Variants in ZNF248 observed in about 807,000 individuals in gnomAD.
The protein encoded by ZNF248 is zinc finger protein 248, also known as KRAB protein domain.
Under a neutral mutation model 44.3 loss-of-function variants are expected in ZNF248, and 20 were observed. The observed-to-expected ratio is 0.45, with a 90% CI of 0.32 to 0.66. ZNF248 has a LOEUF of 0.66. ZNF248 is among the 30% of genes least tolerant of loss of function. The pLI is 0.04. For synonymous variants in ZNF248, 224 were observed against 229.0 expected (o/e 0.98, Z 0.20); for missense variants, 654 against 677.0 (o/e 0.97, Z 0.38).
intron 6 of ZNF248, chr10:37,795,781 C>T (rs2049083804): frequency 6.6e-6 from 1 of 152,108 alleles, no homozygotes; most frequent in Non-Finnish European, 1.5e-5. Flanking sequence ...AAATTTTTAT[C>T]ATATGAATCA....
At chr10:37,763,788 A>G in the ZNF248 span, among the ~76,000 whole-genome samples, 1 of 152,238 alleles carries the variant, frequency 6.6e-6, no homozygotes, top group African/African-American at 2.4e-5. Context: ...ATACTTTTAT[A>G]ATTTCTTACA....
chr10:37,852,957 G>A (rs1290093468), intron 3 of ZNF248, among the ~76,000 whole-genome samples: 2 of 152,000 alleles, frequency 1.3e-5, no homozygotes, highest in African/African-American at 4.8e-5. Context: ...TGCCTCCTGG[G>A]TTCAAGCGAT....
At chr10:37,796,220 T>C (rs887692366) in intron 6 of ZNF248, 4 of 150,328 alleles carry the variant, frequency 2.7e-5, no homozygotes, top group Non-Finnish European at 3.0e-5. Flanking sequence ...ATCTTTATAA[T>C]ACTTTTTTTT....
At chr10:37,793,408 T>C (rs2048790608) in intron 6 of ZNF248, among the ~76,000 whole-genome samples, 1 of 152,068 alleles carries the variant, frequency 6.6e-6, no homozygotes, top group South Asian at 2.1e-4. Flanking sequence ...CAAATAACAA[T>C]AAACACAGAT....
the ZNF248 span, among the ~76,000 whole-genome samples, chr10:37,769,600 T>A: frequency 6.6e-6 from 1 of 152,154 alleles, no homozygotes; most frequent in African/African-American, 2.4e-5. Context: ...TCTCAATAAA[T>A]TAAGTATTGA....
chr10:37,763,131 G>A, the ZNF248 span, among the ~76,000 whole-genome samples: 1 of 152,124 alleles, frequency 6.6e-6, no homozygotes, highest in East Asian at 1.9e-4. Flanking sequence ...AAAGACAAGA[G>A]ACAAAAGAAG....
At chr10:37,769,902 G>A in the ZNF248 span, among the ~76,000 whole-genome samples, 2 of 152,284 alleles carry the variant, frequency 1.3e-5, no homozygotes, top group Non-Finnish European at 2.9e-5. Flanking sequence ...ATCTCCTTAA[G>A]CTGATAAGCA....
Position 37,832,773 on chromosome 10 carries a change from T to C in ZNF248, c.582A>G (p.Gln194=). The C allele has an allele frequency of 6.2e-7, 1 of 1,613,724 alleles. No homozygotes were observed. Among genetic ancestry groups the C allele is most frequent in the South Asian group, 1.1e-5 (1 of 91,066 alleles). ...GGTGATAATTAATGGCATTCCTTTT[T>C]TGATCATATTTATAAGACTTCTCTC... ...PIGEKSYKYD[Q]KRNAINYHQD... is the part of the protein sequence containing the mutation. The change falls in exon 6 of 6, where the codon CAA becomes CAG. Residue 194 remains glutamine, a synonymous_variant. Coordinates refer to ENST00000395867, the MANE Select transcript of ZNF248 (RefSeq NM_021045.3).
intron 3 of ZNF248, among the ~76,000 whole-genome samples, chr10:37,850,518 G>A (rs2060043544): frequency 1.3e-5 from 2 of 152,170 alleles, no homozygotes. Context: ...AAAGTAAAAG[G>A]AATCACTGTG....
Position 37,802,665 on chromosome 10 carries a change from C to T in ZNF248, c.331-26090G>A, listed in dbSNP as rs117387333. 6.7e-3 allele frequency among the ~76,000 whole-genome samples: 1,014 copies of T among 152,268 alleles called. 15 individuals are homozygous for T. The highest frequency in any genetic ancestry group is 0.059 in the South Asian group (287 of 4,826). On this transcript the variant is annotated intron_variant, in intron 6 of 6. Transcript: ENST00000615949. The stretch of plus-strand genomic sequence containing the variant: ...TTTCTCAGCCTTCCTAATGATAGTA[C>T]TTGTCCCTTCAGTTCGAAAATCCTC...
chr10:37,852,294 T>A (rs1157993758), intron 3 of ZNF248, among the ~76,000 whole-genome samples: 1 of 151,580 alleles, frequency 6.6e-6, no homozygotes, highest in Non-Finnish European at 1.5e-5. Context: ...CACTACTTAA[T>A]AACAAAAAGG....
At chr10:37,820,918 C>T in intron 6 of ZNF248, 1 of 1,565,964 alleles carries the variant, frequency 6.4e-7, no homozygotes, top group Admixed American at 1.7e-5. Flanking sequence ...AATACCTACT[C>T]TAGTAAACCT....
chr10:37,819,981 C>A, intron 6 of ZNF248: 1 of 771,714 alleles, frequency 1.3e-6, no homozygotes, highest in South Asian at 1.4e-5. Context: ...AGCGGTCTTG[C>A]ATGCTCTTAT....
At chr10:37,802,616 GA>G (rs1290304209) in intron 6 of ZNF248, among the ~76,000 whole-genome samples, 1 of 151,996 alleles carries the variant, frequency 6.6e-6, no homozygotes, top group Non-Finnish European at 1.5e-5. Flanking sequence ...TAAAACACTG[GA>G]AAAAAATGCC....
chr10:37,831,278 T>C lies in ZNF248; in HGVS notation c.*337A>G, dbSNP rs1158475094. 3 of 1,549,592 alleles carry C rather than the reference T, an allele frequency of 1.9e-6. No homozygotes were observed. The African/African-American group carries it at 4.1e-5, about 21-fold the overall frequency. Reference sequence around the variant, plus strand: ...GACTCTTCACATATATGTTTAATGCTGCTGTCATTCAACTTTTATAAGCTT... The same window carrying C: ...GACTCTTCACATATATGTTTAATGCCGCTGTCATTCAACTTTTATAAGCTT... On this transcript the variant is annotated 3_prime_UTR_variant, in exon 6 of 6. Transcript: ENST00000395867.
At chr10:37,833,767 A>G (rs1292297643) in intron 5 of ZNF248, among the ~76,000 whole-genome samples, 3 of 152,162 alleles carry the variant, frequency 2.0e-5, no homozygotes, top group African/African-American at 7.2e-5. Flanking sequence ...TAGGAAAAGC[A>G]TACTAGGGAA....
downstream of ZNF248, chr10:37,828,673 A>G (rs531345267): frequency 3.0e-6 from 3 of 985,186 alleles, no homozygotes; most frequent in Non-Finnish European, 3.6e-6. Flanking sequence ...AGTTGCATTG[A>G]GCAGTCAAAA....
In ZNF248 at chr10:37,780,109, C is replaced by G. The variant is rs1272577082; in HGVS notation, c.331-3534G>C. Among the ~76,000 whole-genome samples the G allele has an allele frequency of 5.3e-5, 8 of 150,066 alleles. No homozygotes were observed. The East Asian group carries it at 9.7e-4, about 18-fold the overall frequency. The stretch of plus-strand genomic sequence containing the variant: ...TACTGCCCAAGGTAATTTACAGATT[C>G]AATGCCATCCCCATCAAGCTAACAA... On this transcript the variant is annotated intron_variant, in intron 6 of 6. Transcript: ENST00000615949.
At position 37,830,155 on chromosome 10, in the gene ZNF248, C is replaced by T; in HGVS notation, c.*1460G>A. Reference sequence around the variant, plus strand: ...AGGATATCAAAAGGGCCTTTCATTACATACCGCCACTTTTTGAGGAGTGCA... The same window carrying T: ...AGGATATCAAAAGGGCCTTTCATTATATACCGCCACTTTTTGAGGAGTGCA... On this transcript the variant is annotated 3_prime_UTR_variant, in exon 6 of 6. Transcript: ENST00000395867. The T allele has an allele frequency of 9.1e-6, 9 of 985,414 alleles. No homozygotes were observed. Among genetic ancestry groups the T allele is most frequent in the African/African-American group, 1.7e-5 (1 of 57,364 alleles). The allele number at this position is 985,414 out of a possible 1,614,324, so 61.0% of individuals were successfully genotyped here. A position where few individuals can be genotyped will look rare whatever the true frequency, so the allele number is the denominator to read the frequency against.
Sources: allele counts gnomAD v4.1 joint callset (sites outside exome capture counted in the v4.1 genomes callset), GRCh38; gene constraint gnomAD v4.1.1; transcripts MANE v1.5; gene names NCBI Gene and HGNC (gene_info 2026-07-23, HGNC 2026-07-21).